Variants in GTF2A2 observed in about 807,000 individuals in gnomAD.
GTF2A2 encodes the protein transcription initiation factor IIA subunit 2.
In GTF2A2, 9 loss-of-function variants were observed where a neutral mutation model predicts 14.3. The ratio of observed to expected loss-of-function variants is 0.63; its 90% CI spans 0.38 to 1.10. The LOEUF (loss-of-function observed/expected upper bound fraction) is 1.10. GTF2A2 is among the 50% of genes least tolerant of loss of function. The pLI, the probability that GTF2A2 is intolerant of heterozygous loss-of-function variation, is 0.01. For synonymous variants in GTF2A2, 56 were observed against 46.0 expected (o/e 1.22, Z -0.88); for missense variants, 90 against 124.6 (o/e 0.72, Z 1.32).
At chr15:59,653,320 C>G (rs28642859) in intron 1 of GTF2A2, among the ~76,000 whole-genome samples, 11,667 of 152,120 alleles carry the variant, frequency 0.077, 760 homozygotes, top group East Asian at 0.25. Flanking sequence ...CCCTTTCAGT[C>G]TGGAGATGGA....
intron 1 of GTF2A2, among the ~76,000 whole-genome samples, chr15:59,655,374 TAAGGA>T (rs745935471): frequency 1.3e-5 from 2 of 152,236 alleles, no homozygotes; most frequent in African/African-American, 2.4e-5. Context: ...TCTAGCACTC[TAAGGA>T]AACAGGTTGG....
Position 59,639,020 on chromosome 15 carries a change from GCA to G in GTF2A2, c.*110_*111del. The G allele has an allele frequency of 1.4e-6, 1 of 710,048 alleles. No individual in the cohort carries two copies. Among genetic ancestry groups the G allele is most frequent in the Non-Finnish European group, 2.6e-6 (1 of 387,340 alleles). The allele number at this position is 710,048 out of a possible 1,614,324, so 44.0% of individuals were successfully genotyped here. On this transcript the variant is annotated 3_prime_UTR_variant, in exon 5 of 5. Coordinates refer to ENST00000396060, the MANE Select transcript of GTF2A2 (RefSeq NM_004492.3). Reference sequence around the variant, plus strand: ...CTTTCTACTGGAATTCTCTGGTATAGCACAGTGTAGTCATTTCTGCAATTCTA... The same window carrying G: ...CTTTCTACTGGAATTCTCTGGTATAGCAGTGTAGTCATTTCTGCAATTCTA...
intron 1 of GTF2A2, among the ~76,000 whole-genome samples, chr15:59,655,961 C>G (rs1243056892): frequency 2.0e-5 from 3 of 152,182 alleles, no homozygotes; most frequent in African/African-American, 7.2e-5. Flanking sequence ...CTCTCGTCAT[C>G]TGGATTACTG....
At chr15:59,646,559 C>T (rs1193310446) in intron 3 of GTF2A2, among the ~76,000 whole-genome samples, 2 of 152,142 alleles carry the variant, frequency 1.3e-5, no homozygotes, top group African/African-American at 4.8e-5. Context: ...TGTGAGTATT[C>T]ACTTTCAAAT....
At chr15:59,640,071 A>ACT (rs2141954475) in intron 4 of GTF2A2, 1 of 152,346 alleles carries the variant, frequency 6.6e-6, no homozygotes, top group African/African-American at 2.4e-5. Context: ...AACTTCTAAC[A>ACT]CTGCATTCTT....
intron 3 of GTF2A2, among the ~76,000 whole-genome samples, chr15:59,647,560 T>C (rs1005419426): frequency 1.9e-4 from 29 of 152,214 alleles, no homozygotes; most frequent in African/African-American, 7.0e-4. Flanking sequence ...GTTTTACATG[T>C]ATCCACAATG....
chr15:59,649,151 C>T (rs1218540384), intron 3 of GTF2A2, among the ~76,000 whole-genome samples: 1 of 152,074 alleles, frequency 6.6e-6, no homozygotes, highest in Non-Finnish European at 1.5e-5. Context: ...CTAAGCTAAA[C>T]AGAATGTTAT....
intron 4 of GTF2A2, 143 bp downstream of exon 4, chr15:59,641,993 G>A: frequency 1.7e-6 from 1 of 605,104 alleles, no homozygotes; most frequent in Middle Eastern, 4.7e-4. Flanking sequence ...TCAGAATTTA[G>A]TGGAGATAAA....
Position 59,652,341 on chromosome 15 carries a change from TAAA to T in GTF2A2, c.-49-18_-49-16del, listed in dbSNP as rs2141966648. The T allele has an allele frequency of 1.2e-6, 1 of 828,566 alleles. No individual in the cohort carries two copies. The highest frequency in any genetic ancestry group is 1.5e-5 in the South Asian group (1 of 66,686). The allele number at this position is 828,566 out of a possible 1,614,324, so 51.3% of individuals were successfully genotyped here. A position where few individuals can be genotyped will look rare whatever the true frequency, so the allele number is the denominator to read the frequency against. On this transcript the variant is annotated splice_polypyrimidine_tract_variant and intron_variant, in intron 1 of 4. Transcript: ENST00000396060. Reference sequence around the variant, plus strand: ...GCATTGATGTCCTAAAAATTTAATATAAAATTGTTAAAAAAGATCATACTGTAA... The same window carrying T: ...GCATTGATGTCCTAAAAATTTAATATATTGTTAAAAAAGATCATACTGTAA...
chr15:59,638,834 A>G lies in GTF2A2; in HGVS notation c.*298T>C, dbSNP rs1405903544. 3.5e-6 allele frequency: 1 copy of G among 289,194 alleles called. No individual in the cohort carries two copies. The highest frequency in any genetic ancestry group is 6.4e-6 in the Non-Finnish European group (1 of 155,644). The allele number at this position is 289,194 out of a possible 1,614,324, so 17.9% of individuals were successfully genotyped here. A position where few individuals can be genotyped will look rare whatever the true frequency, so the allele number is the denominator to read the frequency against. On this transcript the variant is annotated 3_prime_UTR_variant, in exon 5 of 5. Coordinates refer to ENST00000396060, the MANE Select transcript of GTF2A2 (RefSeq NM_004492.3). Reference sequence around the variant, plus strand: ...AAAATGCATTATCTAATATCTTCATATTGCTACCTTAATAGCTTCACCAGT... The same window carrying G: ...AAAATGCATTATCTAATATCTTCATGTTGCTACCTTAATAGCTTCACCAGT...
chr15:59,648,852 T>C (rs1419673028), intron 3 of GTF2A2, among the ~76,000 whole-genome samples: 1 of 152,000 alleles, frequency 6.6e-6, no homozygotes, highest in African/African-American at 2.4e-5. Flanking sequence ...GAGAATGGCG[T>C]GAACCCGGGA....
At chr15:59,651,046 G>A in intron 2 of GTF2A2, 1 of 264,800 alleles carries the variant, frequency 3.8e-6, no homozygotes, top group Non-Finnish European at 7.1e-6. Flanking sequence ...ACAGTGGCTG[G>A]AAAGGAGAAG....
chr15:59,646,591 T>C (rs540700968), intron 3 of GTF2A2, among the ~76,000 whole-genome samples: 6 of 152,332 alleles, frequency 3.9e-5, no homozygotes, highest in East Asian at 1.9e-4. Context: ...TAGATGTAGA[T>C]TGGAGTGAAA....
intron 3 of GTF2A2, among the ~76,000 whole-genome samples, chr15:59,648,073 T>G (rs1219593171): frequency 2.0e-5 from 3 of 152,208 alleles, no homozygotes; most frequent in Non-Finnish European, 2.9e-5. Context: ...TACTTTTATC[T>G]ATGGGCATAT....
chr15:59,652,013 A>C (rs1891808370), intron 2 of GTF2A2, 193 bp downstream of exon 2: 1 of 490,124 alleles, frequency 2.0e-6, no homozygotes, highest in South Asian at 2.9e-5. Context: ...GATATCATTC[A>C]ATCATGTTTT....
chr15:59,642,079 A>C, intron 4 of GTF2A2, 57 bp downstream of exon 4: 1 of 1,508,618 alleles, frequency 6.6e-7, no homozygotes, highest in Non-Finnish European at 9.0e-7. Flanking sequence ...AGATCTTCTA[A>C]AGGCTCATAA....
At chr15:59,641,181 CTTTTT>C (rs374075324) in intron 4 of GTF2A2, among the ~76,000 whole-genome samples, 77,887 of 141,306 alleles carry the variant, frequency 0.55, 21,696 homozygotes, top group Middle Eastern at 0.66. Flanking sequence ...CAGCAAGACT[CTTTTT>C]TTTTTTTTTT....
At chr15:59,640,941 A>AGGTAAC (rs1891398733) in intron 4 of GTF2A2, among the ~76,000 whole-genome samples, 1 of 151,272 alleles carries the variant, frequency 6.6e-6, no homozygotes, top group Admixed American at 6.6e-5. Context: ...GATTATTCCT[A>AGGTAAC]GGTAACCTTC....
intron 4 of GTF2A2, 152 bp from the exon 5 acceptor site, chr15:59,639,309 G>GTA (rs1163870009): frequency 1.6e-6 from 1 of 636,536 alleles, no homozygotes; most frequent in Non-Finnish European, 2.9e-6. Flanking sequence ...AGGTGACACT[G>GTA]TAAATATGTT....
Sources: gnomAD v4.1 joint callset for allele counts (sites outside exome capture counted in the v4.1 genomes callset) on GRCh38, gnomAD v4.1.1 for gene constraint, MANE v1.5 for transcripts, NCBI Gene and HGNC (gene_info 2026-07-23, HGNC 2026-07-21) for gene names.